The following ZFAND3 variants were observed in gnomAD, a reference collection of about 807,000 sequenced individuals.
The protein encoded by ZFAND3 is AN1-type zinc finger protein 3.
ZFAND3 carries 10 observed loss-of-function variants against 29.6 expected under a neutral mutation model. That is an observed-to-expected ratio of 0.34 (90% confidence interval 0.21 to 0.57). ZFAND3 has a LOEUF of 0.57. ZFAND3 is among the 20% of genes least tolerant of loss of function. The pLI is 0.86. For synonymous variants in ZFAND3, 128 were observed against 112.6 expected (o/e 1.14, Z -0.87); for missense variants, 230 against 304.5 (o/e 0.76, Z 1.82).
chr6:38,008,588 A>C (rs901186350), intron 2 of ZFAND3, among the ~76,000 whole-genome samples: 2 of 152,170 alleles, frequency 1.3e-5, no homozygotes, highest in African/African-American at 4.8e-5. Context: ...CACTGTGGAC[A>C]ACAGAGAGAT....
At chr6:37,857,317 G>C (rs1416624858) in intron 1 of ZFAND3, among the ~76,000 whole-genome samples, 1 of 152,150 alleles carries the variant, frequency 6.6e-6, no homozygotes, top group East Asian at 1.9e-4. Context: ...AGGCTCTGCA[G>C]AAACATATAA....
At chr6:37,932,055 G>C (rs1162308960) in intron 2 of ZFAND3, among the ~76,000 whole-genome samples, 1 of 152,162 alleles carries the variant, frequency 6.6e-6, no homozygotes, top group Non-Finnish European at 1.5e-5. Flanking sequence ...TGGACCACGA[G>C]GTCTGGAGAG....
intron 2 of ZFAND3, among the ~76,000 whole-genome samples, chr6:38,054,717 A>G (rs1764101298): frequency 6.6e-6 from 1 of 152,158 alleles, no homozygotes; most frequent in South Asian, 2.1e-4. Context: ...AAGTCCACAT[A>G]AGCTACAACA....
At chr6:37,969,459 G>A (rs1385913933) in intron 2 of ZFAND3, among the ~76,000 whole-genome samples, 1 of 152,060 alleles carries the variant, frequency 6.6e-6, no homozygotes, top group African/African-American at 2.4e-5. Flanking sequence ...GCCTATAGTC[G>A]GGCAAAAATC....
At chr6:38,062,728 C>G (rs1431270443) in intron 3 of ZFAND3, 1 of 152,218 alleles carries the variant, frequency 6.6e-6, no homozygotes, top group African/African-American at 2.4e-5. Flanking sequence ...CTCCATCCCC[C>G]ATCCCTGGCG....
chr6:37,953,753 A>G (rs746366651), intron 2 of ZFAND3, among the ~76,000 whole-genome samples: 19 of 152,102 alleles, frequency 1.2e-4, no homozygotes, highest in Non-Finnish European at 2.6e-4. Context: ...CCCCTGGACT[A>G]TAGTCAATTA....
chr6:38,080,145 A>G (rs1021786116), intron 3 of ZFAND3, among the ~76,000 whole-genome samples: 11 of 151,778 alleles, frequency 7.2e-5, no homozygotes, highest in Non-Finnish European at 2.9e-5. Flanking sequence ...ATCACACACC[A>G]GAGCCTGTCG....
chr6:37,849,460 G>T (rs1338997724), intron 1 of ZFAND3, among the ~76,000 whole-genome samples: 1 of 152,132 alleles, frequency 6.6e-6, no homozygotes, highest in Admixed American at 6.5e-5. Flanking sequence ...CCAGGCTGGA[G>T]TGCAGTGGCG....
At chr6:37,929,098 A>T (rs1047047889) in intron 1 of ZFAND3, among the ~76,000 whole-genome samples, 5 of 152,202 alleles carry the variant, frequency 3.3e-5, no homozygotes, top group Admixed American at 3.3e-4. Context: ...AACACTAAGC[A>T]TGTGGGAATT....
At chr6:38,014,330 A>ATTT (rs869081015) in intron 2 of ZFAND3, among the ~76,000 whole-genome samples, 1 of 150,840 alleles carries the variant, frequency 6.6e-6, no homozygotes, top group Non-Finnish European at 1.5e-5. Flanking sequence ...TATTATTATT[A>ATTT]TTTTTTTTTT....
intron 5 of ZFAND3, among the ~76,000 whole-genome samples, chr6:38,141,912 G>A (rs535261176): frequency 3.9e-4 from 59 of 152,302 alleles, no homozygotes; most frequent in Non-Finnish European, 6.8e-4. Flanking sequence ...AGCACATGCC[G>A]GGTGCTTCAC....
intron 2 of ZFAND3, among the ~76,000 whole-genome samples, chr6:37,935,022 T>C (rs1761673062): frequency 6.6e-6 from 1 of 152,148 alleles, no homozygotes; most frequent in African/African-American, 2.4e-5. Context: ...TGGATCTATA[T>C]CTCTCAAGTC....
chr6:38,028,696 T>A (rs1763494754), intron 2 of ZFAND3, among the ~76,000 whole-genome samples: 1 of 152,186 alleles, frequency 6.6e-6, no homozygotes, highest in Non-Finnish European at 1.5e-5. Flanking sequence ...AAGCTCAAAA[T>A]TAATGTGCCA....
intron 2 of ZFAND3, among the ~76,000 whole-genome samples, chr6:38,059,360 C>T (rs751650096): frequency 5.9e-5 from 9 of 152,086 alleles, no homozygotes; most frequent in Non-Finnish European, 1.2e-4. Context: ...GTATATCTTT[C>T]TGTAGCTCAC....
intron 4 of ZFAND3, among the ~76,000 whole-genome samples, chr6:38,101,038 C>T (rs1375299559): frequency 6.6e-6 from 1 of 152,150 alleles, no homozygotes; most frequent in Non-Finnish European, 1.5e-5. Context: ...ACTGATATAA[C>T]ATATAGTTGA....
chr6:37,850,899 C>T (rs1228991201), intron 1 of ZFAND3, among the ~76,000 whole-genome samples: 1 of 151,950 alleles, frequency 6.6e-6, no homozygotes, highest in Non-Finnish European at 1.5e-5. Flanking sequence ...TGCACCTGGC[C>T]CTTTGACTCT....
At chr6:38,135,765 A>G (rs1402592120) in intron 5 of ZFAND3, among the ~76,000 whole-genome samples, 1 of 131,946 alleles carries the variant, frequency 7.6e-6, no homozygotes, top group Admixed American at 7.5e-5. Context: ...AAAACAAACA[A>G]AAAAAACACG....
chr6:38,128,114 G>T (rs975381707), intron 5 of ZFAND3, among the ~76,000 whole-genome samples: 1 of 152,122 alleles, frequency 6.6e-6, no homozygotes, highest in African/African-American at 2.4e-5. Flanking sequence ...GCAAACACAC[G>T]CACACGCATA....
rs908310562 is a variant in ZFAND3 at position 38,111,722 on chromosome 6, TTGTC to T, written c.362-4846_362-4843del. ...ATAAAACATGCAAAATATGTGTTAA[TTGTC>T]TGTGTGTTATCAGTGAGACTTCTGG... On this transcript the variant is annotated intron_variant, in intron 4 of 5. Coordinates refer to ENST00000287218, the MANE Select transcript of ZFAND3 (RefSeq NM_021943.3). Among the ~76,000 whole-genome samples, 13 of 152,332 alleles carry T rather than the reference TTGTC, an allele frequency of 8.5e-5. 1 individual carries two copies. The highest frequency in any genetic ancestry group is 3.3e-4 in the Admixed American group (5 of 15,302).
Sources: allele counts gnomAD v4.1 joint callset (sites outside exome capture counted in the v4.1 genomes callset), GRCh38; gene constraint gnomAD v4.1.1; transcripts MANE v1.5; gene names NCBI Gene and HGNC (gene_info 2026-07-23, HGNC 2026-07-21).